MAST2: variants seen among roughly 807,000 people sequenced by gnomAD.
The protein encoded by MAST2 is microtubule-associated serine/threonine-protein kinase 2.
MAST2 carries 70 observed loss-of-function variants against 147.4 expected under a neutral mutation model. The observed-to-expected ratio is 0.47, with a 90% CI of 0.39 to 0.58. MAST2 has a LOEUF of 0.58. MAST2 is among the 20% of genes least tolerant of loss of function. MAST2 has a pLI of 0.00. For missense variants in MAST2, 2,080 were observed against 2,302.3 expected, an observed-to-expected ratio of 0.90 and a Z score of 1.98; for synonymous variants, 869 against 896.8, an observed-to-expected ratio of 0.97 and a Z score of 0.55.
chr1:45,956,949 G>A (rs1659744095), intron 4 of MAST2, among the ~76,000 whole-genome samples: 1 of 152,226 alleles, frequency 6.6e-6, no homozygotes. Flanking sequence ...GTCACAATGT[G>A]TTGGACTCGT....
intron 3 of MAST2, among the ~76,000 whole-genome samples, chr1:45,872,983 A>G (rs1646458345): frequency 6.6e-6 from 1 of 152,182 alleles, no homozygotes; most frequent in Non-Finnish European, 1.5e-5. Flanking sequence ...CATTGGCAGA[A>G]AGTATCAAAG....
At chr1:45,942,673 G>A (rs566657620) in intron 4 of MAST2, among the ~76,000 whole-genome samples, 1 of 152,274 alleles carries the variant, frequency 6.6e-6, no homozygotes, top group Admixed American at 6.5e-5. Context: ...TAAATTGTGT[G>A]AAGGTGACTA....
chr1:45,940,766 C>G (rs569338079), intron 4 of MAST2, among the ~76,000 whole-genome samples: 3 of 152,088 alleles, frequency 2.0e-5, no homozygotes, highest in African/African-American at 7.2e-5. Flanking sequence ...ACTACAGGCA[C>G]CTGTCACCAC....
At chr1:45,821,178 G>A (rs1441819360) in intron 1 of MAST2, among the ~76,000 whole-genome samples, 1 of 152,034 alleles carries the variant, frequency 6.6e-6, no homozygotes, top group Non-Finnish European at 1.5e-5. Flanking sequence ...GGGATTACAG[G>A]TGTGAGCCAC....
intron 4 of MAST2, among the ~76,000 whole-genome samples, chr1:45,900,856 G>GT (rs1453550839): frequency 3.3e-5 from 5 of 151,972 alleles, no homozygotes; most frequent in African/African-American, 7.2e-5. Flanking sequence ...AGATTTATTT[G>GT]TTTTTTTCTT....
chr1:45,943,772 A>AT (rs1337804773), intron 4 of MAST2, among the ~76,000 whole-genome samples: 1 of 152,100 alleles, frequency 6.6e-6, no homozygotes, highest in Non-Finnish European at 1.5e-5. Context: ...AAATAAATAA[A>AT]AAATAGGTTT....
intron 1 of MAST2, among the ~76,000 whole-genome samples, chr1:45,819,250 CTCAA>C (rs1644547364): frequency 8.8e-6 from 1 of 113,068 alleles, no homozygotes; most frequent in Non-Finnish European, 1.9e-5. Context: ...CAAAGTCTGT[CTCAA>C]AAAAAAAAAA....
intron 3 of MAST2, among the ~76,000 whole-genome samples, chr1:45,833,036 C>G (rs537550138): frequency 7.1e-6 from 1 of 140,356 alleles, no homozygotes; most frequent in Non-Finnish European, 1.6e-5. Flanking sequence ...TCATATAAAT[C>G]AAATCAAATA....
chr1:45,916,134 GATA>G lies in MAST2; in HGVS notation c.500+33742_500+33744del, dbSNP rs1322220890. The stretch of plus-strand genomic sequence containing the variant: ...GAAGTAAACTGAAGACCACTAGAGT[GATA>G]ATGACTAGGAAAGTGAAGATTTCCT... On this transcript the variant is annotated intron_variant, in intron 4 of 28. Transcript: ENST00000361297. Among the ~76,000 whole-genome samples the G allele has an allele frequency of 3.3e-5, 5 of 152,306 alleles. No individual in the cohort carries two copies. The East Asian group carries it at 9.6e-4, about 29-fold the overall frequency.
intron 21 of MAST2, 63 bp downstream of exon 21, chr1:46,030,301 C>A: frequency 1.3e-6 from 2 of 1,494,500 alleles, no homozygotes; most frequent in South Asian, 1.2e-5. Context: ...GAGGGCCTGT[C>A]AAAGGGCACA....
chr1:45,920,699 A>G (rs546926069), intron 4 of MAST2, among the ~76,000 whole-genome samples: 9 of 152,352 alleles, frequency 5.9e-5, no homozygotes, highest in Non-Finnish European at 1.2e-4. Flanking sequence ...TATCTTCCTT[A>G]GTCAAGAAAA....
chr1:45,847,570 T>C, intron 3 of MAST2: 1 of 799,888 alleles, frequency 1.3e-6, no homozygotes. Flanking sequence ...ATGACTTTTT[T>C]TCCCATCCTG....
chr1:45,871,886 C>CT (rs1231753242), intron 3 of MAST2, among the ~76,000 whole-genome samples: 1 of 152,054 alleles, frequency 6.6e-6, no homozygotes, highest in Non-Finnish European at 1.5e-5. Flanking sequence ...CAGAGAATAC[C>CT]TTTTTTTCAT....
chr1:45,946,468 C>G (rs1329309540), intron 4 of MAST2, among the ~76,000 whole-genome samples: 2 of 152,048 alleles, frequency 1.3e-5, no homozygotes, highest in Admixed American at 1.3e-4. Flanking sequence ...TCTTTAAAAC[C>G]CTTGATTCCT....
chr1:45,899,885 G>C (rs1450887620), intron 4 of MAST2, among the ~76,000 whole-genome samples: 1 of 150,968 alleles, frequency 6.6e-6, no homozygotes, highest in Non-Finnish European at 1.5e-5. Context: ...TTCTTTTCCC[G>C]GCCCAGCGCG....
At chr1:45,966,751 G>A (rs966470494) in intron 5 of MAST2, among the ~76,000 whole-genome samples, 5 of 151,870 alleles carry the variant, frequency 3.3e-5, no homozygotes, top group African/African-American at 4.8e-5. Context: ...CTCCCAGGCC[G>A]CCTTCCAAAG....
chr1:46,025,889 T>C, intron 16 of MAST2, 74 bp downstream of exon 16: 1 of 1,579,226 alleles, frequency 6.3e-7, no homozygotes, highest in Non-Finnish European at 8.7e-7. Context: ...GCAAGCACAG[T>C]AGCTCTAAAT....
chr1:45,939,768 C>T (rs1251208981), intron 4 of MAST2, among the ~76,000 whole-genome samples: 1 of 152,078 alleles, frequency 6.6e-6, no homozygotes, highest in Admixed American at 6.5e-5. Context: ...TCTCAAACTC[C>T]TGACCTCGTG....
Position 45,806,591 on chromosome 1 carries a change from T to G in MAST2, c.177+2519T>G, listed in dbSNP as rs563016886. On this transcript the variant is annotated intron_variant, in intron 1 of 28. Transcript: ENST00000361297. ...ATTTTTTAATTTCTTTTTCTTTTTC[T>G]TTTTGAGACAGAGTCTTGCTCTCTC... is the stretch of plus-strand genomic sequence containing the variant. 2.0e-5 allele frequency among the ~76,000 whole-genome samples: 3 copies of G among 152,192 alleles called. No homozygotes were observed. In the East Asian group the frequency reaches 5.8e-4, roughly 29 times the overall value.
Sources: gnomAD v4.1 joint callset for allele counts (sites outside exome capture counted in the v4.1 genomes callset) on GRCh38, gnomAD v4.1.1 for gene constraint, MANE v1.5 for transcripts, NCBI Gene and HGNC (gene_info 2026-07-23, HGNC 2026-07-21) for gene names.